The following COG3 variants were observed in gnomAD, a reference collection of about 807,000 sequenced individuals.
The protein encoded by COG3 is conserved oligomeric Golgi complex subunit 3.
A neutral mutation model predicts 114.1 loss-of-function variants in COG3; 32 were observed. The observed-to-expected ratio is 0.28, with a 90% CI of 0.21 to 0.38. The LOEUF (loss-of-function observed/expected upper bound fraction) is 0.38. COG3 is among the 10% of genes least tolerant of loss of function. COG3 has a pLI of 1.00. For missense variants in COG3, 813 were observed against 973.2 expected, an observed-to-expected ratio of 0.84 and a Z score of 2.19; for synonymous variants, 352 against 365.7, an observed-to-expected ratio of 0.96 and a Z score of 0.43.
chr13:45,535,334 A>G lies in COG3; in HGVS notation c.*603A>G. 2.0e-6 allele frequency: 2 copies of G among 985,490 alleles called. No homozygotes were observed. The highest frequency in any genetic ancestry group is 1.7e-5 in the African/African-American group (1 of 57,360). 61.0% of individuals were successfully genotyped at this position (985,490 alleles called of 1,614,324 possible). A position where few individuals can be genotyped will look rare whatever the true frequency, so the allele number is the denominator to read the frequency against. On this transcript the variant is annotated 3_prime_UTR_variant, in exon 23 of 23. Coordinates refer to ENST00000349995, the MANE Select transcript of COG3 (RefSeq NM_031431.4). Reference sequence around the variant, plus strand: ...TTGATGTGAGGTAGTTTAAAGATACAAGGACTTTGTGTGAAGCTCCAGCAT... The same window carrying G: ...TTGATGTGAGGTAGTTTAAAGATACGAGGACTTTGTGTGAAGCTCCAGCAT...
Position 45,534,835 on chromosome 13 carries a change from G to A in COG3, c.*104G>A, listed in dbSNP as rs1873450616. ...AGGAATCGTATGTGGGAACGTCCCC[G>A]AGAACCACACGAGCGTGCTGCTCAG... On this transcript the variant is annotated 3_prime_UTR_variant, in exon 23 of 23. Transcript: ENST00000349995. 22 of 1,432,124 alleles carry A rather than the reference G, an allele frequency of 1.5e-5. No individual in the cohort carries two copies. Among genetic ancestry groups the A allele is most frequent in the Non-Finnish European group, 1.9e-5 (21 of 1,096,698 alleles). 88.7% of individuals were successfully genotyped at this position (1,432,124 alleles called of 1,614,324 possible). A position where few individuals can be genotyped will look rare whatever the true frequency, so the allele number is the denominator to read the frequency against.
Position 45,492,247 on chromosome 13 carries a change from T to C in COG3, c.1184T>C (p.Leu395Ser). ...TTTTTCACAAAACCAACATCAAAAT[T>C]AGAGTAGGTGGACATGGAATCTAAC... ...NEFFTKPTSK[L>S]DELLEKLCVS... The change falls in exon 11 of 23, where the codon TTA becomes TCA. Residue 395 changes from leucine to serine, a missense_variant. This residue lies in a region of COG3 where 389 missense variants were observed against 542.6 expected (regional missense o/e 0.72). Transcript: ENST00000349995. The C allele has an allele frequency of 6.3e-7, 1 of 1,581,620 alleles. No homozygotes were observed.
At chr13:45,511,673 AG>A in intron 15 of COG3, 91 bp from the exon 16 acceptor site, 2 of 883,924 alleles carry the variant, frequency 2.3e-6, no homozygotes, top group African/African-American at 3.3e-5. Context: ...GAGGGCAAGC[AG>A]GCATTGTTAT....
chr13:45,471,860 G>A (rs530382535), intron 1 of COG3, among the ~76,000 whole-genome samples: 1 of 151,996 alleles, frequency 6.6e-6, no homozygotes, highest in African/African-American at 2.4e-5. Flanking sequence ...AGCCTCCTGA[G>A]TAGCTGGGAT....
chr13:45,492,078 A>G (rs1292523790), intron 10 of COG3, 81 bp from the exon 11 acceptor site: 1 of 846,148 alleles, frequency 1.2e-6, no homozygotes, highest in African/African-American at 1.7e-5. Flanking sequence ...ATCTCTGCAC[A>G]TAAAGTGTAG....
Position 45,486,340 on chromosome 13 carries a change from G to GGGAGACGGGAGAC in COG3, c.844-150_844-149insCGGGAGACGGAGA, listed in dbSNP as rs771972555. Among the ~76,000 whole-genome samples, 46 of 5,120 alleles carry GGGAGACGGGAGAC rather than the reference G, an allele frequency of 9.0e-3. 1 individual carries two copies. Among genetic ancestry groups the GGGAGACGGGAGAC allele is most frequent in the South Asian group, 0.036 (4 of 110 alleles). 3.4% of individuals were successfully genotyped at this position (5,120 alleles called of 152,430 possible). The stretch of plus-strand genomic sequence containing the variant: ...AGACGGGAGACGGGAGACGGGAGAC[G>GGGAGACGGGAGAC]GGAGAGGGAGAGGGAGAGGGAGAGG... On this transcript the variant is annotated intron_variant, in intron 7 of 22. Transcript: ENST00000349995.
intron 7 of COG3, among the ~76,000 whole-genome samples, 169 bp from the exon 8 acceptor site, chr13:45,486,325 CG>C (rs1473747900): frequency 0.043 from 1,202 of 27,932 alleles, 190 homozygotes; most frequent in African/African-American, 0.13. Flanking sequence ...AGACGGGAGA[CG>C]GGAGACGGGA....
At chr13:45,478,373 G>A (rs1225778239) in intron 2 of COG3, among the ~76,000 whole-genome samples, 2 of 151,458 alleles carry the variant, frequency 1.3e-5, no homozygotes, top group Non-Finnish European at 2.9e-5. Context: ...TAGAGACGGG[G>A]TTTCACCGTG....
At chr13:45,466,119 C>T (rs546848341) in intron 1 of COG3, among the ~76,000 whole-genome samples, 1 of 152,232 alleles carries the variant, frequency 6.6e-6, no homozygotes, top group African/African-American at 2.4e-5. Context: ...CTCACTGCAA[C>T]CTCCACCTCC....
intron 13 of COG3, among the ~76,000 whole-genome samples, chr13:45,502,043 C>T (rs531374931): frequency 2.0e-5 from 3 of 152,198 alleles, no homozygotes; most frequent in Admixed American, 2.0e-4. Flanking sequence ...GGGGCTGTTT[C>T]TTTTCTGTGG....
At chr13:45,467,888 G>A (rs142842946) in intron 1 of COG3, among the ~76,000 whole-genome samples, 159 of 152,260 alleles carry the variant, frequency 1.0e-3, no homozygotes, top group African/African-American at 3.6e-3. Flanking sequence ...AACTGAGCAG[G>A]CTAGTAGAAT....
At chr13:45,485,401 C>G (rs1387565999) in intron 7 of COG3, among the ~76,000 whole-genome samples, 1 of 750 alleles carries the variant, frequency 1.3e-3, no homozygotes, top group Non-Finnish European at 2.3e-3. Flanking sequence ...GCTGGCCGGG[C>G]GGGGGGGCTG....
At chr13:45,521,846 G>A (rs898111338) in intron 19 of COG3, among the ~76,000 whole-genome samples, 8 of 143,284 alleles carry the variant, frequency 5.6e-5, no homozygotes, top group East Asian at 2.0e-4. Flanking sequence ...TCTGTTACCT[G>A]GGCTGGAGTG....
At chr13:45,532,560 GTTTTTTTT>G (rs59023921) in intron 22 of COG3, among the ~76,000 whole-genome samples, 11 of 82,468 alleles carry the variant, frequency 1.3e-4, no homozygotes, top group African/African-American at 7.2e-4. Context: ...TCCTTCCATT[GTTTTTTTT>G]TTTTTTTTTT....
Position 45,529,895 on chromosome 13 carries a change from T to C in COG3, c.2335T>C (p.Phe779Leu). 6.2e-7 allele frequency: 1 copy of C among 1,611,156 alleles called. No individual in the cohort carries two copies. The highest frequency in any genetic ancestry group is 8.5e-7 in the Non-Finnish European group (1 of 1,179,076). Residue 779 changes from phenylalanine (F) to leucine (L), a missense_variant, in exon 21 of 23, where the codon TTC (phenylalanine) becomes CTC (leucine). By Grantham distance (22) the Phe-to-Leu change is conservative. Around this residue, in one of 2 missense-constraint regions of COG3, gnomAD observed 389 missense variants for 542.6 expected, o/e 0.72. Coordinates refer to ENST00000349995, the MANE Select transcript of COG3 (RefSeq NM_031431.4). ...SLYLSNKDTE[F>L]ILFKPVRNNI... ...GTACCTATCCAATAAAGATACCGAG[T>C]TCATCTTGTTTAAACCTGTGAGGGT... is the stretch of plus-strand genomic sequence containing the variant.
intron 13 of COG3, among the ~76,000 whole-genome samples, chr13:45,497,804 A>AACAACAACAACAACT: frequency 6.6e-6 from 1 of 150,380 alleles, no homozygotes. Flanking sequence ...CAACAACAAC[A>AACAACAACAACAACT]ACAACAACAA....
intron 14 of COG3, among the ~76,000 whole-genome samples, chr13:45,505,919 A>C (rs931685073): frequency 6.6e-6 from 1 of 152,022 alleles, no homozygotes; most frequent in Admixed American, 6.5e-5. Flanking sequence ...TTTTGGAGAC[A>C]GGGTCTGGTT....
At chr13:45,501,427 C>T (rs1869521491) in intron 13 of COG3, among the ~76,000 whole-genome samples, 1 of 152,172 alleles carries the variant, frequency 6.6e-6, no homozygotes, top group South Asian at 2.1e-4. Context: ...TTCACTGGTA[C>T]TTTATTTTGC....
intron 14 of COG3, among the ~76,000 whole-genome samples, chr13:45,505,784 G>A (rs185747376): frequency 9.5e-4 from 145 of 152,112 alleles, no homozygotes; most frequent in African/African-American, 2.7e-3. Context: ...AATAGACATG[G>A]AGTCTCGCTA....
Sources: gnomAD v4.1 joint callset for allele counts (sites outside exome capture counted in the v4.1 genomes callset) on GRCh38, gnomAD v4.1.1 for gene constraint, gnomAD v4.1.1 regional missense constraint, MANE v1.5 for transcripts, NCBI Gene and HGNC (gene_info 2026-07-23, HGNC 2026-07-21) for gene names.